Variants in ZNF804A observed in about 807,000 individuals in gnomAD.
The protein encoded by ZNF804A is zinc finger protein 804A.
ZNF804A carries 2 observed loss-of-function variants against 16.5 expected under a neutral mutation model. The observed-to-expected ratio is 0.12, with a 90% CI of 0.05 to 0.38. The LOEUF (loss-of-function observed/expected upper bound fraction) is 0.38. Among genes scored for constraint, ZNF804A ranks in the 10% least tolerant of loss-of-function variants. The pLI is 0.99. For missense variants in ZNF804A, 1,473 were observed against 1,390.7 expected (o/e 1.06, Z -0.94); for synonymous variants, 534 against 489.6 (o/e 1.09, Z -1.20).
chr2:184,825,687 T>A (rs1695154105), intron 1 of ZNF804A, among the ~76,000 whole-genome samples: 1 of 152,060 alleles, frequency 6.6e-6, no homozygotes, highest in East Asian at 1.9e-4. Flanking sequence ...CTAGGGAATG[T>A]TCAAACATAC....
intron 1 of ZNF804A, among the ~76,000 whole-genome samples, chr2:184,757,807 AC>A (rs67511408): frequency 0.028 from 4,324 of 152,110 alleles, 89 homozygotes; most frequent in Middle Eastern, 0.099. Flanking sequence ...GTGAAAACAA[AC>A]AAAACAATAA....
At chr2:184,602,402 G>A (rs1691064219) in intron 1 of ZNF804A, among the ~76,000 whole-genome samples, 1 of 151,914 alleles carries the variant, frequency 6.6e-6, no homozygotes, top group South Asian at 2.1e-4. Flanking sequence ...TTCTGGATAA[G>A]TTATAGGGCT....
intron 1 of ZNF804A, among the ~76,000 whole-genome samples, chr2:184,655,231 A>G (rs550690354): frequency 3.7e-4 from 56 of 152,256 alleles, no homozygotes; most frequent in African/African-American, 1.3e-3. Context: ...CTCCCCTTTC[A>G]CAAATTCCAG....
chr2:184,843,822 C>G (rs989021712), intron 1 of ZNF804A, among the ~76,000 whole-genome samples: 1 of 152,066 alleles, frequency 6.6e-6, no homozygotes, highest in Non-Finnish European at 1.5e-5. Flanking sequence ...GCTTTTTTAA[C>G]TCACTCTGAC....
At chr2:184,876,725 C>G (rs1209571443) in intron 2 of ZNF804A, among the ~76,000 whole-genome samples, 1 of 152,150 alleles carries the variant, frequency 6.6e-6, no homozygotes, top group Non-Finnish European at 1.5e-5. Flanking sequence ...CGTACACCTT[C>G]CCCAAGTCAA....
chr2:184,650,209 C>T (rs774426569), intron 1 of ZNF804A, among the ~76,000 whole-genome samples: 20 of 151,992 alleles, frequency 1.3e-4, no homozygotes, highest in African/African-American at 3.9e-4. Context: ...AACCAAAAGG[C>T]GTAAGATCAT....
intron 1 of ZNF804A, among the ~76,000 whole-genome samples, chr2:184,800,517 C>G (rs1394926928): frequency 1.3e-5 from 2 of 151,462 alleles, no homozygotes; most frequent in African/African-American, 4.8e-5. Context: ...TAAAATATCT[C>G]AAGACTTTTT....
chr2:184,906,112 T>C lies in ZNF804A; in HGVS notation c.256-27491T>C, dbSNP rs554335345. Among the ~76,000 whole-genome samples, 4 of 152,330 alleles carry C rather than the reference T, an allele frequency of 2.6e-5. No individual in the cohort carries two copies. The East Asian group carries it at 7.7e-4, about 29-fold the overall frequency. On this transcript the variant is annotated intron_variant, in intron 2 of 3. Coordinates refer to ENST00000302277, the MANE Select transcript of ZNF804A (RefSeq NM_194250.2). Reference sequence around the variant, plus strand: ...TCATTGGAAATAAATGGAAAGGAGATATTTGATGTTATCAGACATTTTCAA... The same window carrying C: ...TCATTGGAAATAAATGGAAAGGAGACATTTGATGTTATCAGACATTTTCAA...
rs1185607535 is a variant in ZNF804A at position 184,938,439 on chromosome 2, C to G, written c.3043C>G (p.His1015Asp). ...LPFKEAHVSGHTFVTAEQILA... is the reference protein window; with the variant it reads ...LPFKEAHVSGDTFVTAEQILA... ...ATTCAAAGAAGCACATGTCAGTGGT[C>G]ATACTTTTGTAACAGCTGAGCAAAT... The change falls in exon 4 of 4, where the codon CAT becomes GAT. Residue 1015 changes from histidine (H) to aspartate (D), a missense_variant. Coordinates refer to ENST00000302277, the MANE Select transcript of ZNF804A (RefSeq NM_194250.2). The G allele has an allele frequency of 6.2e-7, 1 of 1,614,046 alleles. No homozygotes were observed. The highest frequency in any genetic ancestry group is 1.7e-5 in the Admixed American group (1 of 59,988).
intron 1 of ZNF804A, among the ~76,000 whole-genome samples, chr2:184,855,947 T>G (rs1695680140): frequency 6.6e-6 from 1 of 152,024 alleles, no homozygotes; most frequent in Admixed American, 6.6e-5. Flanking sequence ...GAGAAACAAA[T>G]GACTATCAAA....
chr2:184,687,833 C>A (rs1417939103), intron 1 of ZNF804A, among the ~76,000 whole-genome samples: 2 of 152,090 alleles, frequency 1.3e-5, no homozygotes, highest in Non-Finnish European at 2.9e-5. Flanking sequence ...AAAACAATTT[C>A]ATAGGCCAGG....
At chr2:184,867,538 A>C (rs1259669539) in intron 2 of ZNF804A, among the ~76,000 whole-genome samples, 1 of 152,096 alleles carries the variant, frequency 6.6e-6, no homozygotes, top group Non-Finnish European at 1.5e-5. Flanking sequence ...AGGATGGTGT[A>C]GGGAAGAATT....
intron 1 of ZNF804A, among the ~76,000 whole-genome samples, chr2:184,628,510 C>T (rs559883102): frequency 3.9e-5 from 6 of 151,976 alleles, no homozygotes; most frequent in Non-Finnish European, 8.8e-5. Flanking sequence ...GGAAAACAGA[C>T]ATTTGTATCC....
intron 1 of ZNF804A, among the ~76,000 whole-genome samples, chr2:184,694,947 C>A (rs1692803468): frequency 6.6e-6 from 1 of 152,060 alleles, no homozygotes; most frequent in Non-Finnish European, 1.5e-5. Context: ...TAAAGTTGGC[C>A]CCATCTTGGG....
intron 1 of ZNF804A, among the ~76,000 whole-genome samples, chr2:184,643,242 G>C (rs977015925): frequency 6.6e-6 from 1 of 151,802 alleles, no homozygotes; most frequent in Non-Finnish European, 1.5e-5. Context: ...AAGTTATAAT[G>C]CAAAATATAG....
chr2:184,863,858 A>G (rs1695835358), intron 1 of ZNF804A, among the ~76,000 whole-genome samples: 2 of 152,320 alleles, frequency 1.3e-5, no homozygotes. Flanking sequence ...TGAAAATTCA[A>G]TAAGCAATTT....
chr2:184,889,142 T>C (rs1684943202), intron 2 of ZNF804A, among the ~76,000 whole-genome samples: 1 of 151,964 alleles, frequency 6.6e-6, no homozygotes, highest in African/African-American at 2.4e-5. Context: ...ACAATTTCTC[T>C]TCATGTATTT....
intron 1 of ZNF804A, among the ~76,000 whole-genome samples, chr2:184,729,577 GA>G: frequency 6.6e-6 from 1 of 151,964 alleles, no homozygotes; most frequent in East Asian, 1.9e-4. Context: ...AAAGTAATCT[GA>G]AAATCATATT....
chr2:184,615,958 A>G (rs1422250399), intron 1 of ZNF804A, among the ~76,000 whole-genome samples: 1 of 152,152 alleles, frequency 6.6e-6, no homozygotes, highest in Non-Finnish European at 1.5e-5. Context: ...ATTTTAAGTG[A>G]CAGAACTTGG....
Sources: allele counts gnomAD v4.1 joint callset (sites outside exome capture counted in the v4.1 genomes callset), GRCh38; gene constraint gnomAD v4.1.1; transcripts MANE v1.5; gene names NCBI Gene and HGNC (gene_info 2026-07-23, HGNC 2026-07-21).